The following KIAA1958 variants were observed in gnomAD, a reference collection of about 807,000 sequenced individuals.
KIAA1958 encodes uncharacterized protein KIAA1958.
Under a neutral mutation model 47.2 loss-of-function variants are expected in KIAA1958, and 14 were observed. That is an observed-to-expected ratio of 0.30 (90% CI 0.20 to 0.46). The LOEUF is 0.46. Ranked by LOEUF, KIAA1958 falls within the 20% of genes least tolerant of loss-of-function variation. The probability of loss-of-function intolerance (pLI) is 1.00; values close to 1 mark genes in which losing one functional copy is unlikely to be tolerated. For missense variants in KIAA1958, 803 were observed against 909.2 expected (o/e 0.88, Z 1.50); for synonymous variants, 354 against 353.3 (o/e 1.00, Z -0.02).
At position 112,645,728 on chromosome 9, in the gene KIAA1958, G is replaced by T; in HGVS notation, c.1250G>T (p.Ser417Ile). 6.2e-7 allele frequency: 1 copy of T among 1,614,004 alleles called. No individual in the cohort carries two copies. Among genetic ancestry groups the T allele is most frequent in the Non-Finnish European group, 8.5e-7 (1 of 1,179,922 alleles). The change falls in exon 3 of 4, where the codon AGC (serine) becomes ATC (isoleucine). Residue 417 changes from serine (S) to isoleucine (I), a missense_variant. By Grantham distance (142) the Ser-to-Ile change is moderately radical. Transcript: ENST00000337530. ...DLNDLCTSAV[S>I]PNTTKATRYA... The stretch of plus-strand genomic sequence containing the variant: ...AATGATCTGTGTACCAGTGCAGTAA[G>T]CCCAAATACTACCAAAGCCACGCGG...
At chr9:112,595,061 A>G (rs1414056781) in intron 2 of KIAA1958, among the ~76,000 whole-genome samples, 1 of 152,266 alleles carries the variant, frequency 6.6e-6, no homozygotes, top group East Asian at 1.9e-4. Context: ...CACTTAAGTT[A>G]GCAGTGATCA....
At chr9:112,503,826 C>G (rs1456456185) in intron 1 of KIAA1958, among the ~76,000 whole-genome samples, 2 of 151,854 alleles carry the variant, frequency 1.3e-5, no homozygotes, top group Non-Finnish European at 2.9e-5. Flanking sequence ...ATTTTCCCTC[C>G]TTCCCTGATC....
chr9:112,504,124 T>G (rs1307402863), intron 1 of KIAA1958, among the ~76,000 whole-genome samples: 1 of 152,038 alleles, frequency 6.6e-6, no homozygotes, highest in East Asian at 1.9e-4. Flanking sequence ...TCTAAGGAGT[T>G]GTTGGTTTTT....
intron 2 of KIAA1958, among the ~76,000 whole-genome samples, chr9:112,579,379 TTCTC>T (rs1279688557): frequency 3.3e-5 from 5 of 152,134 alleles, no homozygotes; most frequent in Admixed American, 6.5e-5. Context: ...ATGGTTTTCT[TTCTC>T]TCTCCTCTCC....
chr9:112,654,898 G>T (rs1837122961), intron 3 of KIAA1958, among the ~76,000 whole-genome samples: 2 of 152,098 alleles, frequency 1.3e-5, no homozygotes, highest in African/African-American at 2.4e-5. Context: ...ATTGTATTTT[G>T]TCTTTTTCCT....
intron 1 of KIAA1958, among the ~76,000 whole-genome samples, chr9:112,507,715 A>G (rs375996125): frequency 1.3e-5 from 2 of 152,178 alleles, no homozygotes; most frequent in Admixed American, 6.5e-5. Flanking sequence ...ATCTATACCT[A>G]TAAGATCAAA....
intron 1 of KIAA1958, among the ~76,000 whole-genome samples, chr9:112,573,828 AG>A (rs1333930511): frequency 6.6e-6 from 1 of 152,156 alleles, no homozygotes; most frequent in Non-Finnish European, 1.5e-5. Context: ...AATAAAGAAA[AG>A]TAACAAAATT....
intron 2 of KIAA1958, chr9:112,619,087 T>A (rs1158745549): frequency 1.8e-6 from 1 of 552,358 alleles, no homozygotes; most frequent in East Asian, 8.1e-5. Flanking sequence ...TAATTTAGTA[T>A]TACTAACATA....
rs945148574 is a variant in KIAA1958 at position 112,574,666 on chromosome 9, A to G, written c.586A>G (p.Asn196Asp). 11 of 1,614,170 alleles carry G rather than the reference A, an allele frequency of 6.8e-6. No homozygotes were observed. The highest frequency in any genetic ancestry group is 6.8e-6 in the Non-Finnish European group (8 of 1,180,018). The part of the protein sequence containing the change: ...SQTQMVDECS[N>D]DVIIKKIKQE... ...GACGCAGATGGTTGACGAATGCAGC[A>G]ATGATGTCATCATCAAGAAAATCAA... Residue 196 changes from asparagine (N) to aspartate (D), a missense_variant, in exon 2 of 4, where the codon AAT becomes GAT. By Grantham distance (23) the Asn-to-Asp change is conservative (BLOSUM62 1). Coordinates refer to ENST00000337530, the MANE Select transcript of KIAA1958 (RefSeq NM_133465.4).
At position 112,669,324 on chromosome 9, in the gene KIAA1958, T is replaced by C. The variant is rs1235632972; in HGVS notation, c.*9255T>C. The C allele has an allele frequency of 6.6e-6, 1 of 152,236 alleles. No individual in the cohort carries two copies. The highest frequency in any genetic ancestry group is 1.5e-5 in the Non-Finnish European group (1 of 68,040). The allele number at this position is 152,236 out of a possible 1,614,324, so 9.4% of individuals were successfully genotyped here. ...ATTTTAAAGGTGGTTGTTGTTGTTG[T>C]TTGGGTTCACTTATGTATATGCAGC... On this transcript the variant is annotated 3_prime_UTR_variant, in exon 4 of 4. Transcript: ENST00000337530.
At chr9:112,642,709 TAA>T (rs1836912733) in intron 2 of KIAA1958, among the ~76,000 whole-genome samples, 1 of 152,262 alleles carries the variant, frequency 6.6e-6, no homozygotes, top group Non-Finnish European at 1.5e-5. Context: ...TGTTCAGTTA[TAA>T]GTTACTACCT....
In KIAA1958 at chr9:112,642,513, C is replaced by G. The variant is rs376793115; in HGVS notation, c.1172-3137C>G. Among the ~76,000 whole-genome samples, 128 of 152,320 alleles carry G rather than the reference C, an allele frequency of 8.4e-4. 1 individual carries two copies. The South Asian group carries it at 0.017, about 20-fold the overall frequency. On this transcript the variant is annotated intron_variant, in intron 2 of 3. Coordinates refer to ENST00000337530, the MANE Select transcript of KIAA1958 (RefSeq NM_133465.4). ...GCAAATATCCCTCACTTCACGCAGC[C>G]GTACTTGCCAGCACTTGTGCTGGTG...
chr9:112,549,172 A>G (rs1564168276), intron 1 of KIAA1958, among the ~76,000 whole-genome samples: 1 of 152,230 alleles, frequency 6.6e-6, no homozygotes, highest in Non-Finnish European at 1.5e-5. Flanking sequence ...CAAGAAAAAT[A>G]TTTCATTCAA....
chr9:112,522,888 A>G (rs528510059), intron 1 of KIAA1958, among the ~76,000 whole-genome samples: 1 of 152,320 alleles, frequency 6.6e-6, no homozygotes, highest in Non-Finnish European at 1.5e-5. Flanking sequence ...AACATCTGAC[A>G]TCTACCTCTT....
intron 1 of KIAA1958, among the ~76,000 whole-genome samples, chr9:112,518,126 G>A (rs1199064270): frequency 6.6e-6 from 1 of 152,212 alleles, no homozygotes; most frequent in African/African-American, 2.4e-5. Context: ...GCTGAGCCAG[G>A]AGGATCACTT....
Position 112,517,125 on chromosome 9 carries a change from C to T in KIAA1958, c.-25+30007C>T, listed in dbSNP as rs979850112. 8.4e-3 allele frequency among the ~76,000 whole-genome samples: 78 copies of T among 9,302 alleles called. 1 individual carries two copies. Among genetic ancestry groups the T allele is most frequent in the Middle Eastern group, 0.071 (2 of 28 alleles). 6.1% of individuals were successfully genotyped at this position (9,302 alleles called of 152,430 possible). A position where few individuals can be genotyped will look rare whatever the true frequency, so the allele number is the denominator to read the frequency against. ...ACTGAACTTCAAATATGGAAGGAGGCAGCTTCCATATTTAATATATTAATT... is the reference window on the plus strand; with the variant it reads ...ACTGAACTTCAAATATGGAAGGAGGTAGCTTCCATATTTAATATATTAATT... On this transcript the variant is annotated intron_variant, in intron 1 of 3. Coordinates refer to ENST00000337530, the MANE Select transcript of KIAA1958 (RefSeq NM_133465.4).
chr9:112,520,933 T>A (rs1834529340), intron 1 of KIAA1958, among the ~76,000 whole-genome samples: 1 of 152,054 alleles, frequency 6.6e-6, no homozygotes, highest in Admixed American at 6.5e-5. Context: ...TCTTTAAATC[T>A]TTTTTTTCTT....
chr9:112,548,281 G>A (rs1231539721), intron 1 of KIAA1958, among the ~76,000 whole-genome samples: 3 of 152,082 alleles, frequency 2.0e-5, no homozygotes, highest in Non-Finnish European at 2.9e-5. Flanking sequence ...TAGCCACTGC[G>A]CCCGGCCATT....
At chr9:112,541,031 A>C (rs1446265141) in intron 1 of KIAA1958, among the ~76,000 whole-genome samples, 2 of 151,940 alleles carry the variant, frequency 1.3e-5, no homozygotes, top group Admixed American at 1.3e-4. Context: ...GGAGTTTCAT[A>C]ATCTATGTTT....
Sources: allele counts gnomAD v4.1 joint callset (sites outside exome capture counted in the v4.1 genomes callset), GRCh38; gene constraint gnomAD v4.1.1; transcripts MANE v1.5; gene names NCBI Gene and HGNC (gene_info 2026-07-23, HGNC 2026-07-21).